KDELR3: variants seen among roughly 807,000 people sequenced by gnomAD.
KDELR3 encodes the protein ER lumen protein-retaining receptor 3.
In KDELR3, 26 loss-of-function variants were observed where a neutral mutation model predicts 22.7. That is an observed-to-expected ratio of 1.15 (90% CI 0.84 to 1.59). KDELR3 has a LOEUF of 1.59. Among genes scored for constraint, KDELR3 ranks in the 40% most tolerant of loss-of-function variants. The pLI is 0.00. For missense variants in KDELR3, 289 were observed against 251.1 expected (o/e 1.15, Z -1.02); for synonymous variants, 120 against 98.2 (o/e 1.22, Z -1.31).
rs1279843003 is a variant in KDELR3 at position 38,468,168 on chromosome 22, G to A, written c.-66G>A. The A allele has an allele frequency of 2.1e-6, 3 of 1,439,502 alleles. No individual in the cohort carries two copies. Among genetic ancestry groups the A allele is most frequent in the East Asian group, 2.3e-5 (1 of 42,960 alleles). The allele number at this position is 1,439,502 out of a possible 1,614,324, so 89.2% of individuals were successfully genotyped here. On this transcript the variant is annotated 5_prime_UTR_variant, in exon 1 of 5. Transcript: ENST00000216014. ...GACCGGGGCCGGAGACGTGGCAGCCGCCCTGCCCGCCAGAAAGTTTCCTAG... is the reference window on the plus strand; with the variant it reads ...GACCGGGGCCGGAGACGTGGCAGCCACCCTGCCCGCCAGAAAGTTTCCTAG...
At chr22:38,477,580 A>G (rs758581314) in intron 2 of KDELR3, among the ~76,000 whole-genome samples, 10 of 152,208 alleles carry the variant, frequency 6.6e-5, no homozygotes, top group Non-Finnish European at 1.3e-4. Flanking sequence ...ATCACATGAG[A>G]TAACATACAG....
Position 38,468,259 on chromosome 22 carries a change from A to G in KDELR3, c.26A>G (p.Asp9Gly). The change falls in exon 1 of 5, where the codon GAC (aspartate) becomes GGC (glycine). Residue 9 changes from aspartate to glycine, a missense_variant. Coordinates refer to ENST00000216014, the MANE Select transcript of KDELR3 (RefSeq NM_006855.4). MNVFRILG[D>G]LSHLLAMILL... ...ATGAACGTGTTCCGAATCCTCGGCG[A>G]CCTGAGCCACCTCCTGGCCATGATC... 1 of 1,613,728 alleles carries G rather than the reference A, an allele frequency of 6.2e-7. No individual in the cohort carries two copies. The highest frequency in any genetic ancestry group is 8.5e-7 in the Non-Finnish European group (1 of 1,179,918).
intron 1 of KDELR3, among the ~76,000 whole-genome samples, chr22:38,468,580 T>C (rs532069111): frequency 1.3e-5 from 2 of 152,322 alleles, no homozygotes; most frequent in East Asian, 3.9e-4. Context: ...GTGTCACTGC[T>C]GGTTGGAAGA....
Position 38,481,319 on chromosome 22 carries a change from C to T in KDELR3, c.459C>T (p.Phe153=), listed in dbSNP as rs1294653069. 2.5e-6 allele frequency: 4 copies of T among 1,614,096 alleles called. No homozygotes were observed. The African/African-American group carries it at 4.0e-5, about 16-fold the overall frequency. Residue 153 remains phenylalanine, a synonymous_variant, in exon 4 of 5, where the codon TTC becomes TTT. Transcript: ENST00000216014. ...EAETITTHYL[F]FLGLYRALYL... ...AGACCATAACTACTCACTACCTGTT[C>T]TTTCTGGGTCTGTACCGGGCACTCT...
At chr22:38,474,872 G>A (rs113074479) in intron 2 of KDELR3, among the ~76,000 whole-genome samples, 10 of 151,480 alleles carry the variant, frequency 6.6e-5, no homozygotes, top group Admixed American at 3.3e-4. Flanking sequence ...CGAGTCGGGC[G>A]GATGGAGACC....
Position 38,482,578 on chromosome 22 carries a change from G to GA in KDELR3, c.*45dup, listed in dbSNP as rs1276286476. 1 of 1,534,504 alleles carries GA rather than the reference G, an allele frequency of 6.5e-7. No individual in the cohort carries two copies. The highest frequency in any genetic ancestry group is 1.4e-5 in the African/African-American group (1 of 73,064). ...TCTACGCCTTAACAAGCACATGAAG[G>GA]AAACTATTTTGAATGTTCTCTTTGG... On this transcript the variant is annotated 3_prime_UTR_variant, in exon 5 of 5. Transcript: ENST00000216014.
intron 1 of KDELR3, among the ~76,000 whole-genome samples, chr22:38,471,036 C>T (rs764987472): frequency 1.4e-4 from 22 of 152,102 alleles, no homozygotes; most frequent in Non-Finnish European, 2.4e-4. Flanking sequence ...CCCAGCTACT[C>T]ATGAGGCTGA....
chr22:38,471,697 C>T (rs1213305023), intron 1 of KDELR3, among the ~76,000 whole-genome samples: 2 of 152,198 alleles, frequency 1.3e-5, no homozygotes, highest in Non-Finnish European at 2.9e-5. Flanking sequence ...GGTGCAGTGG[C>T]TTACCCATGT....
intron 1 of KDELR3, among the ~76,000 whole-genome samples, chr22:38,473,111 A>T (rs1055787445): frequency 6.6e-6 from 1 of 152,204 alleles, no homozygotes; most frequent in African/African-American, 2.4e-5. Context: ...AAAAAAAGAA[A>T]GAGACCAAAG....
intron 1 of KDELR3, among the ~76,000 whole-genome samples, chr22:38,471,487 G>A (rs770044635): frequency 9.8e-5 from 15 of 152,318 alleles, no homozygotes; most frequent in South Asian, 2.1e-4. Flanking sequence ...ACGTGCGCGC[G>A]TGCTAGACCC....
Position 38,482,822 on chromosome 22 carries a change from A to G in KDELR3, c.*286A>G. The G allele has an allele frequency of 2.3e-6, 1 of 428,618 alleles. No homozygotes were observed. The highest frequency in any genetic ancestry group is 4.3e-5 in the South Asian group (1 of 23,434). 26.6% of individuals were successfully genotyped at this position (428,618 alleles called of 1,614,324 possible). A position where few individuals can be genotyped will look rare whatever the true frequency, so the allele number is the denominator to read the frequency against. On this transcript the variant is annotated 3_prime_UTR_variant, in exon 5 of 5. Transcript: ENST00000216014. ...GTCTTACCGACGAAATAAAAAACAT[A>G]AATGATTGTTCTCCAAGGCCTGAGG...
At position 38,481,148 on chromosome 22, in the gene KDELR3, G is replaced by A. The variant is rs183028088; in HGVS notation, c.352-64G>A. On this transcript the variant is annotated intron_variant, in intron 3 of 4. Coordinates refer to ENST00000216014, the MANE Select transcript of KDELR3 (RefSeq NM_006855.4). ...AGCAAGCTATTGTTTTAGTAATTAT[G>A]TTCTTTTAAGATGGGCCTCTTCTTG... is the stretch of plus-strand genomic sequence containing the variant. 1.6e-3 allele frequency: 2,175 copies of A among 1,398,582 alleles called. 4 individuals carry two copies. Among genetic ancestry groups the A allele is most frequent in the Non-Finnish European group, 1.9e-3 (1,983 of 1,023,238 alleles). The allele number at this position is 1,398,582 out of a possible 1,614,324, so 86.6% of individuals were successfully genotyped here. A position where few individuals can be genotyped will look rare whatever the true frequency, so the allele number is the denominator to read the frequency against.
At position 38,474,603 on chromosome 22, in the gene KDELR3, A is replaced by C. The variant is rs568333738; in HGVS notation, c.172A>C (p.Ile58Leu). The C allele has an allele frequency of 6.3e-4, 1,010 of 1,611,720 alleles. 20 individuals are homozygous for C. In the South Asian group the frequency reaches 0.01, roughly 16 times the overall value. Residue 58 changes from isoleucine to leucine, a missense_variant, in exon 2 of 5, where the codon ATC becomes CTC. Transcript: ENST00000216014. ...YLDLFTNFIS[I>L]YNTVMKVVFL... ...GGACCTGTTCACCAACTTCATCTCC[A>C]TCTACAACACAGTAATGAAGGTGAG...
chr22:38,468,342 G>A lies in KDELR3; in HGVS notation c.91+18G>A, dbSNP rs1283165606. 2 of 1,609,744 alleles carry A rather than the reference G, an allele frequency of 1.2e-6. No individual in the cohort carries two copies. The highest frequency in any genetic ancestry group is 2.2e-5 in the East Asian group (1 of 44,862). Reference sequence around the variant, plus strand: ...CTGCAAGGGTGAGGGGCGCCTGGCAGGGAGGTGCGGGACCCCCTCTCTGGC... The same window carrying A: ...CTGCAAGGGTGAGGGGCGCCTGGCAAGGAGGTGCGGGACCCCCTCTCTGGC... On this transcript the variant is annotated intron_variant, in intron 1 of 4. Coordinates refer to ENST00000216014, the MANE Select transcript of KDELR3 (RefSeq NM_006855.4).
chr22:38,481,566 C>T lies in KDELR3; in HGVS notation c.604+102C>T, dbSNP rs1266684187. 4 of 1,566,582 alleles carry T rather than the reference C, an allele frequency of 2.6e-6. No individual in the cohort carries two copies. In the African/African-American group the frequency reaches 5.4e-5, roughly 21 times the overall value. ...ACAGATGTGAACAGTCAAGTCTCTG[C>T]CATCCACAATGCTTGTGTTCTAATG... On this transcript the variant is annotated intron_variant, in intron 4 of 4. Transcript: ENST00000216014.
rs2089615635 is a variant in KDELR3, at chr22:38,482,914, C to T, written c.*378C>T. ...TGTCCCTCCTCTTAGAATGTCCCAA[C>T]TAAAGACCAGTTAAAATATTAGGGT... On this transcript the variant is annotated 3_prime_UTR_variant, in exon 5 of 5. Transcript: ENST00000216014. 1 of 212,576 alleles carries T rather than the reference C, an allele frequency of 4.7e-6. No individual in the cohort carries two copies. Among genetic ancestry groups the T allele is most frequent in the African/African-American group, 2.3e-5 (1 of 43,606 alleles). 13.2% of individuals were successfully genotyped at this position (212,576 alleles called of 1,614,324 possible). A position where few individuals can be genotyped will look rare whatever the true frequency, so the allele number is the denominator to read the frequency against.
At chr22:38,475,927 C>A (rs754716526) in intron 2 of KDELR3, among the ~76,000 whole-genome samples, 1 of 152,234 alleles carries the variant, frequency 6.6e-6, no homozygotes, top group Middle Eastern at 3.4e-3. Flanking sequence ...AGCCACCATG[C>A]CCAGCCAAGA....
Position 38,482,654 on chromosome 22 carries a change from T to G in KDELR3, c.*118T>G. 1 of 928,808 alleles carries G rather than the reference T, an allele frequency of 1.1e-6. No individual in the cohort carries two copies. Among genetic ancestry groups the G allele is most frequent in the African/African-American group, 1.6e-5 (1 of 60,690 alleles). 57.5% of individuals were successfully genotyped at this position (928,808 alleles called of 1,614,324 possible). ...ATGTTAAAACCAGAAAAGTGTTTAGTGTGGATTTCAGCAAAACCTGATCAT... is the reference window on the plus strand; with the variant it reads ...ATGTTAAAACCAGAAAAGTGTTTAGGGTGGATTTCAGCAAAACCTGATCAT... On this transcript the variant is annotated 3_prime_UTR_variant, in exon 5 of 5. Transcript: ENST00000216014.
In KDELR3 at chr22:38,483,336, A is replaced by G. The variant is rs925191597; in HGVS notation, c.*800A>G. 42 of 152,328 alleles carry G rather than the reference A, an allele frequency of 2.8e-4. No homozygotes were observed. The highest frequency in any genetic ancestry group is 9.9e-4 in the African/African-American group (41 of 41,568). The allele number at this position is 152,328 out of a possible 1,614,324, so 9.4% of individuals were successfully genotyped here. A position where few individuals can be genotyped will look rare whatever the true frequency, so the allele number is the denominator to read the frequency against. On this transcript the variant is annotated 3_prime_UTR_variant, in exon 5 of 5. Coordinates refer to ENST00000216014, the MANE Select transcript of KDELR3 (RefSeq NM_006855.4). Reference sequence around the variant, plus strand: ...TCCTTTCAGTTTTAGGTGCGAAAGTAATCAGTCAATCCAATATCCCCCATC... The same window carrying G: ...TCCTTTCAGTTTTAGGTGCGAAAGTGATCAGTCAATCCAATATCCCCCATC...
Sources: allele counts gnomAD v4.1 joint callset (sites outside exome capture counted in the v4.1 genomes callset), GRCh38; gene constraint gnomAD v4.1.1; transcripts MANE v1.5; gene names NCBI Gene and HGNC (gene_info 2026-07-23, HGNC 2026-07-21).